The following ARMC8 variants were observed in gnomAD, a reference collection of about 807,000 sequenced individuals.
The protein encoded by ARMC8 is armadillo repeat-containing protein 8.
In ARMC8, 20 loss-of-function variants were observed where a neutral mutation model predicts 99.3. The ratio of observed to expected loss-of-function variants is 0.20; its 90% CI spans 0.14 to 0.29. ARMC8 has a LOEUF of 0.29. Among genes scored for constraint, ARMC8 ranks in the 10% least tolerant of loss-of-function variants. The pLI is 1.00. For synonymous variants in ARMC8, 263 were observed against 278.3 expected (o/e 0.95, Z 0.55); for missense variants, 569 against 809.5 (o/e 0.70, Z 3.60).
intron 12 of ARMC8, among the ~76,000 whole-genome samples, chr3:138,255,809 A>C (rs1045288979): frequency 1.3e-5 from 2 of 152,128 alleles, no homozygotes; most frequent in African/African-American, 4.8e-5. Flanking sequence ...GTGAAACCCC[A>C]TGTCTACTAA....
Position 138,270,254 on chromosome 3 carries a change from G to C in ARMC8, c.1479+122G>C, listed in dbSNP as rs1027943069. The C allele has an allele frequency of 3.6e-5, 28 of 771,910 alleles. No homozygotes were observed. The Admixed American group carries it at 4.0e-4, about 11-fold the overall frequency. The allele number at this position is 771,910 out of a possible 1,614,324, so 47.8% of individuals were successfully genotyped here. A position where few individuals can be genotyped will look rare whatever the true frequency, so the allele number is the denominator to read the frequency against. ...TCTTTTTCAAAAATCTGGCTATTTT[G>C]TTCTAGTTTTCTAATGACTAGGACC... On this transcript the variant is annotated intron_variant, in intron 16 of 21. Coordinates refer to ENST00000469044, the MANE Select transcript of ARMC8 (RefSeq NM_001363941.2).
intron 19 of ARMC8, among the ~76,000 whole-genome samples, chr3:138,284,980 G>T (rs1416944536): frequency 6.6e-6 from 1 of 152,206 alleles, no homozygotes; most frequent in African/African-American, 2.4e-5. Flanking sequence ...ACTGCCCATT[G>T]CCAAAATGTG....
At chr3:138,190,286 T>C (rs1374493923) in intron 1 of ARMC8, among the ~76,000 whole-genome samples, 1 of 142,460 alleles carries the variant, frequency 7.0e-6, no homozygotes, top group Non-Finnish European at 1.5e-5. Context: ...CTTATCTTTT[T>C]TTTTTTTTTT....
At chr3:138,197,732 T>A (rs1158055023) in intron 1 of ARMC8, among the ~76,000 whole-genome samples, 3 of 152,224 alleles carry the variant, frequency 2.0e-5, no homozygotes, top group African/African-American at 7.2e-5. Context: ...GATTATGCTG[T>A]CTCACACAGT....
chr3:138,191,015 A>G (rs996547472), intron 1 of ARMC8, among the ~76,000 whole-genome samples: 2 of 152,254 alleles, frequency 1.3e-5, no homozygotes, highest in African/African-American at 4.8e-5. Context: ...CTGAGCTGAA[A>G]GTTCAAGGAT....
intron 7 of ARMC8, among the ~76,000 whole-genome samples, chr3:138,236,527 TATTACCAAAGTGCC>T (rs2046342463): frequency 6.6e-6 from 1 of 152,214 alleles, no homozygotes; most frequent in African/African-American, 2.4e-5. Flanking sequence ...GGGTTTGCTG[TATTACCAAAGTGCC>T]ATTAATGTAT....
At chr3:138,196,479 T>C (rs1209709837) in intron 1 of ARMC8, among the ~76,000 whole-genome samples, 1 of 152,158 alleles carries the variant, frequency 6.6e-6, no homozygotes, top group Non-Finnish European at 1.5e-5. Context: ...TGCATATGCC[T>C]AAATAGTTGC....
intron 12 of ARMC8, chr3:138,262,548 G>A: frequency 6.2e-7 from 1 of 1,612,182 alleles, no homozygotes; most frequent in Non-Finnish European, 8.5e-7. Context: ...TTTTAGTCTA[G>A]GTCAGTGATC....
At chr3:138,246,642 C>T in intron 12 of ARMC8, 1 of 985,744 alleles carries the variant, frequency 1.0e-6, no homozygotes, top group Non-Finnish European at 1.2e-6. Context: ...GGTAGATAGA[C>T]AGATGGACCA....
intron 7 of ARMC8, among the ~76,000 whole-genome samples, chr3:138,236,055 C>G (rs1221277755): frequency 6.6e-6 from 1 of 152,128 alleles, no homozygotes; most frequent in Non-Finnish European, 1.5e-5. Context: ...ATCCGCCTGC[C>G]TTGGCCTCCC....
chr3:138,294,117 GT>G (rs1407344531), intron 21 of ARMC8, among the ~76,000 whole-genome samples: 4 of 152,190 alleles, frequency 2.6e-5, no homozygotes, highest in Non-Finnish European at 4.4e-5. Flanking sequence ...TCCAGAAGGA[GT>G]TTGAATTTGG....
intron 12 of ARMC8, among the ~76,000 whole-genome samples, chr3:138,253,970 T>C (rs987827809): frequency 5.9e-5 from 9 of 152,306 alleles, no homozygotes; most frequent in African/African-American, 2.2e-4. Context: ...TATAAAGAAG[T>C]TTATTTGGAA....
chr3:138,291,795 G>A (rs2050979086), intron 21 of ARMC8, among the ~76,000 whole-genome samples: 1 of 152,144 alleles, frequency 6.6e-6, no homozygotes, highest in Non-Finnish European at 1.5e-5. Context: ...GGGTTCAAAG[G>A]CCCTGAAGCA....
intron 18 of ARMC8, among the ~76,000 whole-genome samples, chr3:138,276,605 G>A (rs547991777): frequency 6.6e-6 from 1 of 152,144 alleles, no homozygotes; most frequent in Non-Finnish European, 1.5e-5. Flanking sequence ...GATAGAAAAG[G>A]CAGTTGTATT....
rs766321384 is a variant in ARMC8 at position 138,289,083 on chromosome 3, G to A, written c.1857G>A (p.Met619Ile). ...ATGTTAAACTGCAGCTTGCAGCCAT[G>A]TTTTGTATATCAAACCTCATATGGA... The part of the protein sequence containing the change: ...HSHVKLQLAA[M>I]FCISNLIWNE... Residue 619 changes from methionine (M) to isoleucine (I), a missense_variant, in exon 20 of 22, where the codon ATG (methionine) becomes ATA (isoleucine). Transcript: ENST00000469044. 2.3e-5 allele frequency: 37 copies of A among 1,613,470 alleles called. No homozygotes were observed. The highest frequency in any genetic ancestry group is 2.1e-5 in the Non-Finnish European group (25 of 1,179,652).
intron 16 of ARMC8, among the ~76,000 whole-genome samples, chr3:138,270,634 G>T (rs2048702772): frequency 6.6e-6 from 1 of 152,082 alleles, no homozygotes; most frequent in African/African-American, 2.4e-5. Context: ...TAGATTGTGG[G>T]ATGGCTAATT....
intron 12 of ARMC8, among the ~76,000 whole-genome samples, chr3:138,252,746 GCCCCCCCCCCC>G (rs753073185): frequency 1.6e-3 from 8 of 4,976 alleles, no homozygotes; most frequent in African/African-American, 1.8e-3. Context: ...GAGCCACCCC[GCCCCCCCCCCC>G]CCCCCACCCG....
intron 12 of ARMC8, chr3:138,245,514 A>G: frequency 8.3e-7 from 1 of 1,208,222 alleles, no homozygotes; most frequent in African/African-American, 1.5e-5. Flanking sequence ...ACACCTTGAA[A>G]GTCCTAACAT....
intron 3 of ARMC8, 70 bp downstream of exon 3, chr3:138,222,067 T>A: frequency 8.4e-7 from 1 of 1,185,172 alleles, no homozygotes; most frequent in Non-Finnish European, 1.2e-6. Context: ...CTCTCAATTA[T>A]AGAACCCATT....
Sources: allele counts gnomAD v4.1 joint callset (sites outside exome capture counted in the v4.1 genomes callset), GRCh38; gene constraint gnomAD v4.1.1; transcripts MANE v1.5; gene names NCBI Gene and HGNC (gene_info 2026-07-23, HGNC 2026-07-21).